JAM3: variants seen among roughly 807,000 people sequenced by gnomAD.
JAM3 encodes the protein junctional adhesion molecule C.
A neutral mutation model predicts 39.4 loss-of-function variants in JAM3; 31 were observed. That is an observed-to-expected ratio of 0.79 (90% CI 0.59 to 1.06). The LOEUF is 1.06. Ranked by LOEUF, JAM3 falls within the 50% of genes least tolerant of loss-of-function variation. The pLI is 0.00. For missense variants in JAM3, 455 were observed against 391.4 expected, an observed-to-expected ratio of 1.16 and a Z score of -1.37; for synonymous variants, 182 against 148.7, an observed-to-expected ratio of 1.22 and a Z score of -1.63.
chr11:134,149,420 C>A lies in JAM3; in HGVS notation c.*239C>A. ...ACAAGGAAGCGAAACTGGGTGCGTT[C>A]ACTGAGTTGGGTTCCTAATCTGTTT... On this transcript the variant is annotated 3_prime_UTR_variant, in exon 9 of 9. Coordinates refer to ENST00000299106, the MANE Select transcript of JAM3 (RefSeq NM_032801.5). 1.6e-6 allele frequency: 1 copy of A among 609,868 alleles called. No homozygotes were observed. Among genetic ancestry groups the A allele is most frequent in the Non-Finnish European group, 2.9e-6 (1 of 340,766 alleles). The allele number at this position is 609,868 out of a possible 1,614,324, so 37.8% of individuals were successfully genotyped here.
chr11:134,107,536 G>A (rs1200941856), intron 1 of JAM3, among the ~76,000 whole-genome samples: 1 of 152,020 alleles, frequency 6.6e-6, no homozygotes, highest in African/African-American at 2.4e-5. Flanking sequence ...AAATAAAAAT[G>A]TGACATCAGA....
At chr11:134,144,439 G>A (rs1223926232) in intron 4 of JAM3, 46 bp downstream of exon 4, 1 of 1,606,590 alleles carries the variant, frequency 6.2e-7, no homozygotes, top group African/African-American at 1.3e-5. Context: ...TAGGATGCAA[G>A]AGATCAGTTA....
At chr11:134,100,273 G>A (rs962349553) in intron 1 of JAM3, among the ~76,000 whole-genome samples, 1 of 152,052 alleles carries the variant, frequency 6.6e-6, no homozygotes, top group East Asian at 1.9e-4. Flanking sequence ...GCAGAGCCCT[G>A]TGTCTTCTGA....
chr11:134,091,231 C>T (rs1377069736), intron 1 of JAM3, among the ~76,000 whole-genome samples: 3 of 152,254 alleles, frequency 2.0e-5, no homozygotes, highest in South Asian at 2.1e-4. Context: ...CGTGGTGGCT[C>T]ATGCCTGTAA....
At chr11:134,117,232 C>G (rs1942452650) in intron 1 of JAM3, among the ~76,000 whole-genome samples, 1 of 151,962 alleles carries the variant, frequency 6.6e-6, no homozygotes, top group Non-Finnish European at 1.5e-5. Context: ...AATAAAATAA[C>G]CGGGGATGGT....
At chr11:134,148,092 T>G (rs1943111860) in intron 6 of JAM3, 1 of 223,474 alleles carries the variant, frequency 4.5e-6, no homozygotes, top group African/African-American at 2.3e-5. Flanking sequence ...TACTTGTTTG[T>G]TTTTTGAGAC....
chr11:134,131,183 T>G (rs541620596), intron 1 of JAM3, among the ~76,000 whole-genome samples: 1 of 125,818 alleles, frequency 7.9e-6, no homozygotes, highest in South Asian at 2.7e-4. Flanking sequence ...GGAGTACCCC[T>G]GCACAGAGCC....
At chr11:134,089,410 A>G (rs1941802506) in intron 1 of JAM3, among the ~76,000 whole-genome samples, 1 of 152,138 alleles carries the variant, frequency 6.6e-6, no homozygotes, top group Admixed American at 6.5e-5. Context: ...TGCTGCACCC[A>G]GTAACTCGTC....
chr11:134,117,028 C>G (rs1481582480), intron 1 of JAM3, among the ~76,000 whole-genome samples: 1 of 151,720 alleles, frequency 6.6e-6, no homozygotes, highest in East Asian at 1.9e-4. Context: ...ATTGGAGGTT[C>G]TAGCCAATAC....
chr11:134,089,938 G>A (rs1941814808), intron 1 of JAM3, among the ~76,000 whole-genome samples: 1 of 152,162 alleles, frequency 6.6e-6, no homozygotes, highest in Non-Finnish European at 1.5e-5. Flanking sequence ...GTGTAAAAAT[G>A]TTCCTATTTC....
At chr11:134,103,141 C>T (rs1280776417) in intron 1 of JAM3, among the ~76,000 whole-genome samples, 1 of 152,108 alleles carries the variant, frequency 6.6e-6, no homozygotes, top group Non-Finnish European at 1.5e-5. Flanking sequence ...AAAGTGAAGC[C>T]CATCAGACTA....
chr11:134,072,643 G>A (rs925046000), intron 1 of JAM3, among the ~76,000 whole-genome samples: 1 of 152,220 alleles, frequency 6.6e-6, no homozygotes, highest in South Asian at 2.1e-4. Context: ...ATAGTTGGCC[G>A]GGTACAGTGG....
intron 1 of JAM3, among the ~76,000 whole-genome samples, chr11:134,130,009 A>T (rs956751870): frequency 2.0e-5 from 3 of 152,094 alleles, no homozygotes; most frequent in Admixed American, 6.5e-5. Flanking sequence ...CTCCAAAAAA[A>T]AAAGTCAGTA....
intron 1 of JAM3, among the ~76,000 whole-genome samples, chr11:134,125,788 A>G (rs1942637422): frequency 6.6e-6 from 1 of 152,192 alleles, no homozygotes. Flanking sequence ...TTTGCTAATT[A>G]TCAAAATGTT....
chr11:134,106,795 C>G (rs561059115), intron 1 of JAM3, among the ~76,000 whole-genome samples: 167 of 152,292 alleles, frequency 1.1e-3, no homozygotes, highest in South Asian at 1.0e-3. Flanking sequence ...CCATCTCACA[C>G]CAGTTAGAAT....
At chr11:134,128,538 G>A (rs538202422) in intron 1 of JAM3, among the ~76,000 whole-genome samples, 2 of 152,242 alleles carry the variant, frequency 1.3e-5, no homozygotes, top group East Asian at 3.9e-4. Flanking sequence ...TTATGGAGTT[G>A]GCTTCCCCCC....
At chr11:134,102,675 T>G (rs1473201013) in intron 1 of JAM3, among the ~76,000 whole-genome samples, 1 of 152,206 alleles carries the variant, frequency 6.6e-6, no homozygotes, top group African/African-American at 2.4e-5. Context: ...TTAAATGACC[T>G]GATGGAGCTG....
chr11:134,113,167 T>C (rs564732326), intron 1 of JAM3, among the ~76,000 whole-genome samples: 1 of 151,790 alleles, frequency 6.6e-6, no homozygotes, highest in South Asian at 2.1e-4. Context: ...GAGTAGTAAT[T>C]GACAATGTGG....
chr11:134,135,536 T>C (rs1452466056), intron 1 of JAM3, among the ~76,000 whole-genome samples: 3 of 136,438 alleles, frequency 2.2e-5, no homozygotes, highest in African/African-American at 8.6e-5. Flanking sequence ...TATCTATCCT[T>C]TTTTTTTTTT....
Sources: allele counts gnomAD v4.1 joint callset (sites outside exome capture counted in the v4.1 genomes callset), GRCh38; gene constraint gnomAD v4.1.1; transcripts MANE v1.5; gene names NCBI Gene and HGNC (gene_info 2026-07-23, HGNC 2026-07-21).